The following PCDHGB1 variants were observed in gnomAD, a reference collection of about 807,000 sequenced individuals.
The protein encoded by PCDHGB1 is protocadherin gamma-B1.
Under a neutral mutation model 56.6 loss-of-function variants are expected in PCDHGB1, and 34 were observed. The ratio of observed to expected loss-of-function variants is 0.60; its 90% CI spans 0.46 to 0.80. The LOEUF is 0.80. Ranked by LOEUF, PCDHGB1 falls within the 30% of genes least tolerant of loss-of-function variation. PCDHGB1 has a pLI of 0.00. For synonymous variants in PCDHGB1, 561 were observed against 505.9 expected (o/e 1.11, Z -1.46); for missense variants, 1,278 against 1,204.6 (o/e 1.06, Z -0.90).
chr5:141,409,409 A>C, intron 1 of PCDHGB1: 4 of 1,614,046 alleles, frequency 2.5e-6, no homozygotes, highest in Non-Finnish European at 3.4e-6. Flanking sequence ...TAACTACTAC[A>C]AACTGGTGAC....
Position 141,489,941 on chromosome 5 carries a change from A to G in PCDHGB1, c.2410-4866A>G. Reference sequence around the variant, plus strand: ...ACCCTTATCTCTGTCATCGTGCTGGACATCAATGATAATGCTCCAACCTTC... The same window carrying G: ...ACCCTTATCTCTGTCATCGTGCTGGGCATCAATGATAATGCTCCAACCTTC... On this transcript the variant is annotated intron_variant, in intron 1 of 3. Transcript: ENST00000523390. The surrounding 1 kb of genome is among the most constrained non-coding windows in gnomAD (Gnocchi z 4.5). 1.2e-6 allele frequency: 2 copies of G among 1,614,228 alleles called. No homozygotes were observed. The highest frequency in any genetic ancestry group is 1.7e-6 in the Non-Finnish European group (2 of 1,180,034).
At chr5:141,414,668 A>C in intron 1 of PCDHGB1, 1 of 1,613,856 alleles carries the variant, frequency 6.2e-7, no homozygotes, top group East Asian at 2.2e-5. Context: ...CTGGCTGAAG[A>C]CACCATCCAG....
At chr5:141,409,290 G>A in intron 1 of PCDHGB1, 1 of 1,613,974 alleles carries the variant, frequency 6.2e-7, no homozygotes. Context: ...TCACCTCCAG[G>A]AATGGTTGTT....
At chr5:141,396,934 G>A (rs1037377516) in intron 1 of PCDHGB1, among the ~76,000 whole-genome samples, 2 of 152,186 alleles carry the variant, frequency 1.3e-5, no homozygotes. Flanking sequence ...GATGAAAGTT[G>A]CCCTGGTAGG....
chr5:141,413,230 C>T (rs2095618383), intron 1 of PCDHGB1: 4 of 1,613,826 alleles, frequency 2.5e-6, no homozygotes, highest in Non-Finnish European at 3.4e-6. Flanking sequence ...CGGGCTGGTC[C>T]TGCTCTGCCT....
chr5:141,495,752 C>G (rs1310125902), intron 2 of PCDHGB1, among the ~76,000 whole-genome samples: 1 of 152,150 alleles, frequency 6.6e-6, no homozygotes, highest in Non-Finnish European at 1.5e-5. Flanking sequence ...TTCTCTATCT[C>G]TGCCTCCCTG....
At chr5:141,507,563 G>A (rs2099861587) in intron 3 of PCDHGB1, among the ~76,000 whole-genome samples, 1 of 152,222 alleles carries the variant, frequency 6.6e-6, no homozygotes, top group Non-Finnish European at 1.5e-5. Flanking sequence ...CAGGCGGCTG[G>A]GTCTGAGGAG....
chr5:141,500,641 TA>T (rs1306300025), intron 2 of PCDHGB1, among the ~76,000 whole-genome samples: 4 of 152,346 alleles, frequency 2.6e-5, no homozygotes, highest in Middle Eastern at 3.4e-3. Flanking sequence ...ACTAGTTTTT[TA>T]AAAATAGCAA....
chr5:141,505,270 G>C, intron 2 of PCDHGB1, 123 bp from the exon 3 acceptor site: 1 of 1,520,726 alleles, frequency 6.6e-7, no homozygotes, highest in African/African-American at 1.4e-5. Context: ...CTTGCTGAGA[G>C]AAACAGGTCT....
In PCDHGB1 at chr5:141,417,855, G is replaced by T. The variant is rs1436078486; in HGVS notation, c.2409+65186G>T. The T allele has an allele frequency of 2.6e-6, 4 of 1,544,916 alleles. No individual in the cohort carries two copies. In the Admixed American group the frequency reaches 8.0e-5, roughly 31 times the overall value. ...GCGGGGACCCAGCGAGAACCCGAGC[G>T]AACGATGGGAGGGAGCTGCGCGCAG... On this transcript the variant is annotated intron_variant, in intron 1 of 3. Transcript: ENST00000523390.
chr5:141,423,782 C>T (rs1458189260), intron 1 of PCDHGB1: 9 of 1,243,226 alleles, frequency 7.2e-6, no homozygotes, highest in Non-Finnish European at 9.3e-6. Flanking sequence ...ATATTTAGTT[C>T]ATATATATTT....
chr5:141,478,246 C>T (rs1305046488), intron 1 of PCDHGB1: 1 of 1,614,100 alleles, frequency 6.2e-7, no homozygotes, highest in Admixed American at 1.7e-5. Context: ...TCACAGTGTT[C>T]GGAGTAATCA....
chr5:141,416,016 G>C (rs190922355), intron 1 of PCDHGB1: 29 of 227,390 alleles, frequency 1.3e-4, no homozygotes, highest in Non-Finnish European at 2.2e-4. Context: ...GAATAGGTAA[G>C]TATCAGAAAG....
intron 1 of PCDHGB1, chr5:141,362,185 C>A: frequency 6.2e-7 from 1 of 1,614,022 alleles, no homozygotes; most frequent in Middle Eastern, 1.6e-4. Context: ...GCCCTCTGAC[C>A]CCCAGGCAAA....
At chr5:141,507,931 G>A (rs1442781255) in intron 3 of PCDHGB1, 1 of 152,326 alleles carries the variant, frequency 6.6e-6, no homozygotes, top group African/African-American at 2.4e-5. Context: ...CTGCTGAGAG[G>A]GGTTAAGTAA....
At position 141,476,591 on chromosome 5, in the gene PCDHGB1, G is replaced by C. The variant is rs200254399; in HGVS notation, c.2410-18216G>C. The C allele has an allele frequency of 6.2e-7, 1 of 1,614,230 alleles. No homozygotes were observed. Among genetic ancestry groups the C allele is most frequent in the East Asian group, 2.2e-5 (1 of 44,870 alleles). On this transcript the variant is annotated intron_variant, in intron 1 of 3. Coordinates refer to ENST00000523390, the MANE Select transcript of PCDHGB1 (RefSeq NM_018922.3). This position sits in a 1 kb window ranked among gnomAD's most constrained non-coding sequence, Gnocchi z 7.6. ...GGGGACGCGCTTTCCGCTCGAGAGCGCGCACGATCCCGATGTGGGAAGCAA... is the reference window on the plus strand; with the variant it reads ...GGGGACGCGCTTTCCGCTCGAGAGCCCGCACGATCCCGATGTGGGAAGCAA...
chr5:141,430,534 C>CT (rs962032641), intron 1 of PCDHGB1: 2 of 381,726 alleles, frequency 5.2e-6, no homozygotes, highest in Non-Finnish European at 9.2e-6. Context: ...GGTTAGGACT[C>CT]TGAGCGCCGC....
chr5:141,444,350 T>C (rs1021358194), intron 1 of PCDHGB1, among the ~76,000 whole-genome samples: 7 of 151,946 alleles, frequency 4.6e-5, no homozygotes, highest in Admixed American at 2.0e-4. Context: ...TTTGTATTTT[T>C]AGTAGAGACG....
intron 1 of PCDHGB1, chr5:141,414,590 G>C (rs1287207695): frequency 1.2e-6 from 2 of 1,613,936 alleles, no homozygotes; most frequent in South Asian, 1.1e-5. Flanking sequence ...AACGCCAGGG[G>C]TGCCTCCATC....
Sources: gnomAD v4.1 joint callset for allele counts (sites outside exome capture counted in the v4.1 genomes callset) on GRCh38, gnomAD v4.1.1 for gene constraint, Gnocchi (gnomAD v3.1) non-coding constraint, MANE v1.5 for transcripts, NCBI Gene and HGNC (gene_info 2026-07-23, HGNC 2026-07-21) for gene names.